COL7A1: variants seen among roughly 807,000 people sequenced by gnomAD.
The protein encoded by COL7A1 is collagen type VII alpha 1 chain, also known as collagen alpha-1(VII) chain.
A neutral mutation model predicts 456.2 loss-of-function variants in COL7A1; 296 were observed. The ratio of observed to expected loss-of-function variants is 0.65; its 90% CI spans 0.59 to 0.71. COL7A1 has a LOEUF of 0.71. Ranked by LOEUF, COL7A1 falls within the 30% of genes least tolerant of loss-of-function variation. The pLI is 0.00. For missense variants in COL7A1, 3,441 were observed against 4,017.2 expected (o/e 0.86, Z 3.88); for synonymous variants, 1,464 against 1,525.9 (o/e 0.96, Z 0.95).
Position 48,573,372 on chromosome 3 carries a change from T to A in COL7A1, c.6619-24A>T, listed in dbSNP as rs763878720. On this transcript the variant is annotated intron_variant, in intron 83 of 118. Coordinates refer to ENST00000681320, the MANE Select transcript of COL7A1 (RefSeq NM_000094.4). The surrounding 1 kb of genome is among the most constrained non-coding windows in gnomAD (Gnocchi z 5.5). Reference sequence around the variant, plus strand: ...CCCTGCAAACAACCCAGAGACTGCATGAGCAGAGCCCACGTGGCCAGGGCT... The same window carrying A: ...CCCTGCAAACAACCCAGAGACTGCAAGAGCAGAGCCCACGTGGCCAGGGCT... 1 of 1,613,994 alleles carries A rather than the reference T, an allele frequency of 6.2e-7. No individual in the cohort carries two copies. Among genetic ancestry groups the A allele is most frequent in the South Asian group, 1.1e-5 (1 of 91,084 alleles).
chr3:48,580,786 C>T lies in COL7A1; in HGVS notation c.4980+96G>A, dbSNP rs2044696704. The T allele has an allele frequency of 1.3e-6, 2 of 1,572,474 alleles. No individual in the cohort carries two copies. The highest frequency in any genetic ancestry group is 1.4e-5 in the African/African-American group (1 of 73,910). On this transcript the variant is annotated intron_variant, in intron 54 of 118. Coordinates refer to ENST00000681320, the MANE Select transcript of COL7A1 (RefSeq NM_000094.4). The surrounding 1 kb of genome is among the most constrained non-coding windows in gnomAD (Gnocchi z 4.5). ...GTTCCCATCACCCCATGCCTCCCTG[C>T]AGGGACTCCCATCACCCCTTACCCC... is the stretch of plus-strand genomic sequence containing the variant.
rs1003039199 is a variant in COL7A1, at chr3:48,568,448, A to G, written c.7794+51T>C. On this transcript the variant is annotated intron_variant, in intron 105 of 118. Coordinates refer to ENST00000681320, the MANE Select transcript of COL7A1 (RefSeq NM_000094.4). The surrounding 1 kb of genome is among the most constrained non-coding windows in gnomAD (Gnocchi z 5.2). ...CCACACTGGTGGGACCACCATGGTG[A>G]CGGGGGCCCTCTGGGGACAGGGGGC... is the stretch of plus-strand genomic sequence containing the variant. 6.5e-6 allele frequency: 10 copies of G among 1,547,568 alleles called. No individual in the cohort carries two copies. In the Middle Eastern group the frequency reaches 6.9e-4, roughly 106 times the overall value.
rs1008984408 is a variant in COL7A1 at position 48,580,014 on chromosome 3, C to T, written c.5124+17G>A. On this transcript the variant is annotated intron_variant, in intron 57 of 118. Coordinates refer to ENST00000681320, the MANE Select transcript of COL7A1 (RefSeq NM_000094.4). This position sits in a 1 kb window ranked among gnomAD's most constrained non-coding sequence, Gnocchi z 4.5. ...GTGAGAACAATGACAGAGGACCAGA[C>T]CCAGCGCAGCCCTTACCAGCCGTCC... 1.2e-6 allele frequency: 2 copies of T among 1,613,984 alleles called. No homozygotes were observed. The highest frequency in any genetic ancestry group is 2.2e-5 in the South Asian group (2 of 91,082).
chr3:48,567,661 G>C lies in COL7A1; in HGVS notation c.7984-25C>G. On this transcript the variant is annotated intron_variant, in intron 108 of 118. Transcript: ENST00000681320. The surrounding 1 kb of genome is among the most constrained non-coding windows in gnomAD (Gnocchi z 4.3). ...CCTGGAGAAAAAAAGACATGAACTTGGCCCCCGTCCACCCGTGGCCCCCTC... is the reference window on the plus strand; with the variant it reads ...CCTGGAGAAAAAAAGACATGAACTTCGCCCCCGTCCACCCGTGGCCCCCTC... 1 of 1,613,756 alleles carries C rather than the reference G, an allele frequency of 6.2e-7. No homozygotes were observed. Among genetic ancestry groups the C allele is most frequent in the Non-Finnish European group, 8.5e-7 (1 of 1,179,976 alleles).
In COL7A1 at chr3:48,564,351, T is replaced by G; in HGVS notation, c.*55A>C. On this transcript the variant is annotated 3_prime_UTR_variant, in exon 119 of 119. Coordinates refer to ENST00000681320, the MANE Select transcript of COL7A1 (RefSeq NM_000094.4). This position sits in a 1 kb window ranked among gnomAD's most constrained non-coding sequence, Gnocchi z 6.0. ...ACCAAGGGGAGGGACAGTGGGGTTCTGCTGAGACCCCGACTCCTCCAGGGG... is the reference window on the plus strand; with the variant it reads ...ACCAAGGGGAGGGACAGTGGGGTTCGGCTGAGACCCCGACTCCTCCAGGGG... 6.2e-7 allele frequency: 1 copy of G among 1,605,590 alleles called. No individual in the cohort carries two copies. Among genetic ancestry groups the G allele is most frequent in the South Asian group, 1.1e-5 (1 of 90,814 alleles).
At chr3:48,584,630 C>T (rs1301796027) in intron 35 of COL7A1, 74 bp from the exon 36 acceptor site, 10 of 1,612,018 alleles carry the variant, frequency 6.2e-6, no homozygotes, top group African/African-American at 1.3e-5. Context: ...CTAGACATGT[C>T]CAGCTATTCC....
At position 48,575,467 on chromosome 3, in the gene COL7A1, C is replaced by G; in HGVS notation, c.6052G>C (p.Gly2018Arg). ...RGDPGPQGPP[G>R]LALGERGPPG... is the part of the protein sequence containing the mutation. ...GGGCCCCTCTCCCCAAGGGCCAGAC[C>G]AGGTGGCCCCTGAGGGCCAGGGTCT... The change falls in exon 74 of 119, where the codon GGT (glycine) becomes CGT (arginine). Residue 2018 changes from glycine (G) to arginine (R), a missense_variant. By Grantham distance (125) the Gly-to-Arg change is moderately radical. Around this residue, in one of 3 missense-constraint regions of COL7A1, gnomAD observed 2,084 missense variants for 2,501.3 expected, o/e 0.83. Transcript: ENST00000681320. The surrounding 1 kb of genome is among the most constrained non-coding windows in gnomAD (Gnocchi z 6.3). 1.2e-6 allele frequency: 2 copies of G among 1,611,772 alleles called. No homozygotes were observed. The highest frequency in any genetic ancestry group is 2.7e-5 in the African/African-American group (2 of 75,016).
rs769383932 is a variant in COL7A1 at position 48,579,462 on chromosome 3, GC to G, written c.5271+17del. Reference sequence around the variant, plus strand: ...GTAAGATGGGGACTTGGCAGACGGGGCAAAGTGCATCACTCACCTGTGGGCC... The same window carrying G: ...GTAAGATGGGGACTTGGCAGACGGGGAAAGTGCATCACTCACCTGTGGGCC... On this transcript the variant is annotated intron_variant, in intron 60 of 118. Coordinates refer to ENST00000681320, the MANE Select transcript of COL7A1 (RefSeq NM_000094.4). The surrounding 1 kb of genome is among the most constrained non-coding windows in gnomAD (Gnocchi z 4.4). 4.3e-6 allele frequency: 7 copies of G among 1,614,038 alleles called. No homozygotes were observed. The highest frequency in any genetic ancestry group is 4.0e-5 in the African/African-American group (3 of 74,910).
rs2044956753 is a variant in COL7A1 at position 48,583,625 on chromosome 3, A to T, written c.4342-10T>A. The T allele has an allele frequency of 6.2e-7, 1 of 1,613,820 alleles. No individual in the cohort carries two copies. The highest frequency in any genetic ancestry group is 8.5e-7 in the Non-Finnish European group (1 of 1,179,992). Reference sequence around the variant, plus strand: ...CATCCTCAGAGTCACCCTGAAGGAGAAACACACGGGTGGGAAGACCGAAGG... The same window carrying T: ...CATCCTCAGAGTCACCCTGAAGGAGTAACACACGGGTGGGAAGACCGAAGG... On this transcript the variant is annotated splice_polypyrimidine_tract_variant and intron_variant, in intron 40 of 118. Transcript: ENST00000681320. The surrounding 1 kb of genome is among the most constrained non-coding windows in gnomAD (Gnocchi z 5.1).
Position 48,585,565 on chromosome 3 carries a change from C to A in COL7A1, c.3886G>T (p.Gly1296Cys), listed in dbSNP as rs2045181768. The part of the protein sequence containing the change: ...QGPPGSATAK[G>C]ERGFPGADGR... ...ATGGTCTCCACACTCACCCTCTCGC[C>A]CTTGGCAGTGGCACTTCCAGGGGGC... Residue 1296 changes from glycine to cysteine, a missense_variant, in exon 32 of 119, where the codon GGC becomes TGC. Coordinates refer to ENST00000681320, the MANE Select transcript of COL7A1 (RefSeq NM_000094.4). This position sits in a 1 kb window ranked among gnomAD's most constrained non-coding sequence, Gnocchi z 4.5. The A allele has an allele frequency of 8.1e-6, 13 of 1,613,948 alleles. No individual in the cohort carries two copies. Among genetic ancestry groups the A allele is most frequent in the Non-Finnish European group, 1.1e-5 (13 of 1,180,012 alleles).
intron 35 of COL7A1, 36 bp from the exon 36 acceptor site, chr3:48,584,592 T>C (rs1434885492): frequency 6.2e-7 from 1 of 1,613,572 alleles, no homozygotes; most frequent in Non-Finnish European, 8.5e-7. Context: ...GGATTCAGGC[T>C]ATGGGGGCCT....
In COL7A1 at chr3:48,593,176, A is replaced by G. The variant is rs1046869271; in HGVS notation, c.608T>C (p.Ile203Thr). Residue 203 changes from isoleucine to threonine, a missense_variant, in exon 6 of 119, where the codon ATC becomes ACC. By Grantham distance (89) the Ile-to-Thr change is moderately conservative. Transcript: ENST00000681320. This position sits in a 1 kb window ranked among gnomAD's most constrained non-coding sequence, Gnocchi z 4.4. ...AACGAGGGGCAGTAGTGTCCTCAAGATGCTGAAGTCATTGACGAAGAAGAA... is the reference window on the plus strand; with the variant it reads ...AACGAGGGGCAGTAGTGTCCTCAAGGTGCTGAAGTCATTGACGAAGAAGAA... Reference protein sequence around the residue: ...DFFFFVNDFSILRTLLPLVSR... With the variant: ...DFFFFVNDFSTLRTLLPLVSR... The G allele has an allele frequency of 6.2e-7, 1 of 1,614,060 alleles. No homozygotes were observed. Among genetic ancestry groups the G allele is most frequent in the Non-Finnish European group, 8.5e-7 (1 of 1,180,008 alleles).
rs763590683 is a variant in COL7A1 at position 48,565,021 on chromosome 3, A to G, written c.8621-41T>C. On this transcript the variant is annotated intron_variant, in intron 117 of 118. Transcript: ENST00000681320. The surrounding 1 kb of genome is among the most constrained non-coding windows in gnomAD (Gnocchi z 4.5). ...CAAGTCAGCAGGGTTTGTGGGAATC[A>G]GAGAGGGTTGAAAGGTCAGGGGGAG... 1.1e-5 allele frequency: 18 copies of G among 1,613,688 alleles called. No individual in the cohort carries two copies. The highest frequency in any genetic ancestry group is 1.1e-5 in the South Asian group (1 of 91,074).
At position 48,568,991 on chromosome 3, in the gene COL7A1, C is replaced by A; in HGVS notation, c.7687-136G>T. The A allele has an allele frequency of 1.2e-6, 1 of 850,030 alleles. No homozygotes were observed. The highest frequency in any genetic ancestry group is 1.9e-6 in the Non-Finnish European group (1 of 523,622). The allele number at this position is 850,030 out of a possible 1,614,324, so 52.7% of individuals were successfully genotyped here. ...TAGCAGCACGTCCTCCCAGCCTGTGCCATAGCGGGTGGAACTGGGGGCTGT... is the reference window on the plus strand; with the variant it reads ...TAGCAGCACGTCCTCCCAGCCTGTGACATAGCGGGTGGAACTGGGGGCTGT... On this transcript the variant is annotated intron_variant, in intron 103 of 118. Coordinates refer to ENST00000681320, the MANE Select transcript of COL7A1 (RefSeq NM_000094.4). This position sits in a 1 kb window ranked among gnomAD's most constrained non-coding sequence, Gnocchi z 5.2.
Position 48,592,058 on chromosome 3 carries a change from C to T in COL7A1, c.1240+44G>A. ...ATGTCAGTGGCCTCCGGGCCTTGCC[C>T]TGCCTGCCCGTCCCAGCCTGAAGAA... is the stretch of plus-strand genomic sequence containing the variant. On this transcript the variant is annotated intron_variant, in intron 10 of 118. Transcript: ENST00000681320. This position sits in a 1 kb window ranked among gnomAD's most constrained non-coding sequence, Gnocchi z 7.6. 1.2e-6 allele frequency: 2 copies of T among 1,614,190 alleles called. No homozygotes were observed. The highest frequency in any genetic ancestry group is 1.7e-6 in the Non-Finnish European group (2 of 1,180,038).
At chr3:48,582,035 G>A in intron 47 of COL7A1, 92 bp from the exon 48 acceptor site, 1 of 1,563,916 alleles carries the variant, frequency 6.4e-7, no homozygotes, top group East Asian at 2.2e-5. Flanking sequence ...GGAATTGGAA[G>A]TCATACAGCT....
At position 48,583,618 on chromosome 3, in the gene COL7A1, G is replaced by A; in HGVS notation, c.4342-3C>T. 10 of 1,614,036 alleles carry A rather than the reference G, an allele frequency of 6.2e-6. No individual in the cohort carries two copies. The highest frequency in any genetic ancestry group is 8.5e-6 in the Non-Finnish European group (10 of 1,180,004). ...GGAGCTCCATCCTCAGAGTCACCCT[G>A]AAGGAGAAACACACGGGTGGGAAGA... On this transcript the variant is annotated splice_polypyrimidine_tract_variant and splice_region_variant and intron_variant, in intron 40 of 118. Coordinates refer to ENST00000681320, the MANE Select transcript of COL7A1 (RefSeq NM_000094.4). This position sits in a 1 kb window ranked among gnomAD's most constrained non-coding sequence, Gnocchi z 5.1.
At position 48,578,691 on chromosome 3, in the gene COL7A1, T is replaced by G. The variant is rs766756636; in HGVS notation, c.5425-176A>C. Among the ~76,000 whole-genome samples, 2 of 151,976 alleles carry G rather than the reference T, an allele frequency of 1.3e-5. No individual in the cohort carries two copies. Among genetic ancestry groups the G allele is most frequent in the Admixed American group, 6.5e-5 (1 of 15,278 alleles). The stretch of plus-strand genomic sequence containing the variant: ...CATGGATGGGGGCCCCTGCTGAGAC[T>G]CCCAAGGGAAGAACCCCCAGGACTT... On this transcript the variant is annotated intron_variant, in intron 63 of 118. Transcript: ENST00000681320. The surrounding 1 kb of genome is among the most constrained non-coding windows in gnomAD (Gnocchi z 4.7).
Position 48,579,743 on chromosome 3 carries a change from G to A in COL7A1, c.5154+42C>T, listed in dbSNP as rs1639979584. The stretch of plus-strand genomic sequence containing the variant: ...CCCAAGGTAGAACCTGCTGGGAGGG[G>A]CACTGGGGTCTTTCTTACCCTCCAC... On this transcript the variant is annotated intron_variant, in intron 58 of 118. Transcript: ENST00000681320. The surrounding 1 kb of genome is among the most constrained non-coding windows in gnomAD (Gnocchi z 4.4). 2.5e-6 allele frequency: 4 copies of A among 1,613,926 alleles called. No individual in the cohort carries two copies. Among genetic ancestry groups the A allele is most frequent in the Non-Finnish European group, 2.5e-6 (3 of 1,179,986 alleles).
Sources: gnomAD v4.1 joint callset for allele counts (sites outside exome capture counted in the v4.1 genomes callset) on GRCh38, gnomAD v4.1.1 for gene constraint, gnomAD v4.1.1 regional missense constraint, Gnocchi (gnomAD v3.1) non-coding constraint, MANE v1.5 for transcripts, NCBI Gene and HGNC (gene_info 2026-07-23, HGNC 2026-07-21) for gene names.